MAGT1: variants seen among roughly 807,000 people sequenced by gnomAD.
The protein encoded by MAGT1 is dolichyl-diphosphooligosaccharide--protein glycosyltransferase subunit MAGT1.
MAGT1 carries 4 observed loss-of-function variants against 28.4 expected under a neutral mutation model. That is an observed-to-expected ratio of 0.14 (90% CI 0.07 to 0.32). The LOEUF is 0.32. MAGT1 is among the 10% of genes least tolerant of loss of function. MAGT1 has a pLI of 1.00. For missense variants in MAGT1, 193 were observed against 264.5 expected (o/e 0.73, Z 1.88); for synonymous variants, 89 against 89.7 (o/e 0.99, Z 0.04).
At chrX:77,881,022 G>A (rs1266967079) in intron 1 of MAGT1, among the ~76,000 whole-genome samples, 1 of 108,139 alleles carries the variant, frequency 9.2e-6, no homozygotes, top group Non-Finnish European at 1.9e-5. Flanking sequence ...ACAAGACTGC[G>A]GAACAATGAA....
chrX:77,836,286 C>CA (rs1281967507), intron 8 of MAGT1, among the ~76,000 whole-genome samples: 1 of 109,148 alleles, frequency 9.2e-6, no homozygotes, highest in Admixed American at 9.9e-5. Flanking sequence ...TAATGGGTAC[C>CA]AAAAAAAATA....
chrX:77,883,898 T>C (rs2077060301), intron 1 of MAGT1, among the ~76,000 whole-genome samples: 1 of 111,173 alleles, frequency 9.0e-6, no homozygotes, highest in African/African-American at 3.3e-5. Context: ...TGAACTAGTT[T>C]TAAACTTTTA....
chrX:77,884,368 G>A (rs2077061524), intron 1 of MAGT1, among the ~76,000 whole-genome samples: 1 of 111,801 alleles, frequency 8.9e-6, no homozygotes, highest in Non-Finnish European at 1.9e-5. Context: ...TCTAGCGGGT[G>A]TCAGGCAGTT....
In MAGT1 at chrX:77,833,227, T is replaced by C. The variant is rs2076904221; in HGVS notation, c.902-2332A>G. On this transcript the variant is annotated intron_variant, in intron 8 of 9. Transcript: ENST00000618282. The stretch of plus-strand genomic sequence containing the variant: ...CAACTGTTCGAGAATGGTGTAAACA[T>C]TACACGTGGAATGCTACATTTTCTA... Among the ~76,000 whole-genome samples, 3 of 112,469 alleles carry C rather than the reference T, an allele frequency of 2.7e-5. No individual in the cohort carries two copies. The South Asian group carries it at 1.1e-3, about 41-fold the overall frequency.
At chrX:77,856,487 T>A (rs1713233683) in intron 5 of MAGT1, 1 of 310,045 alleles carries the variant, frequency 3.2e-6, no homozygotes, top group South Asian at 7.0e-5. Flanking sequence ...GAGATTTTCA[T>A]AGAGATGACA....
chrX:77,827,142 A>T lies in MAGT1; in HGVS notation c.*2078T>A, dbSNP rs1386001172. 9.0e-6 allele frequency: 1 copy of T among 111,729 alleles called. No homozygotes were observed. The highest frequency in any genetic ancestry group is 1.9e-5 in the Non-Finnish European group (1 of 53,169). The allele number at this position is 111,729 out of a possible 1,213,427, so 9.2% of individuals were successfully genotyped here. ...CCTATTTCCACAATAGTGGCATTTCAGGTTACTCTTCATAACTATGGGGGA... is the reference window on the plus strand; with the variant it reads ...CCTATTTCCACAATAGTGGCATTTCTGGTTACTCTTCATAACTATGGGGGA... On this transcript the variant is annotated 3_prime_UTR_variant, in exon 10 of 10. Transcript: ENST00000618282.
intron 3 of MAGT1, chrX:77,868,633 T>C (rs1310249777): frequency 3.6e-5 from 11 of 302,876 alleles, no homozygotes; most frequent in Non-Finnish European, 6.4e-5. Context: ...CGAGACTCCA[T>C]CTCAAAAAAC....
intron 9 of MAGT1, among the ~76,000 whole-genome samples, chrX:77,829,663 T>C (rs1202919357): frequency 9.1e-6 from 1 of 109,754 alleles, no homozygotes; most frequent in Non-Finnish European, 1.9e-5. Context: ...TACCTTCACA[T>C]CTCAATTAGT....
chrX:77,884,930 C>T (rs781942801), intron 1 of MAGT1, among the ~76,000 whole-genome samples: 5 of 108,569 alleles, frequency 4.6e-5, no homozygotes, highest in African/African-American at 1.0e-4. Context: ...GGCGCGGTGG[C>T]GGGTGCCTGT....
At chrX:77,834,519 A>G (rs1293135745) in intron 8 of MAGT1, among the ~76,000 whole-genome samples, 1 of 108,476 alleles carries the variant, frequency 9.2e-6, no homozygotes, top group Non-Finnish European at 1.9e-5. Context: ...TTTTTAGTAG[A>G]GACAGGGTTT....
At chrX:77,856,706 AT>A (rs1557216022) in intron 5 of MAGT1, 26 bp downstream of exon 5, 2 of 1,195,906 alleles carry the variant, frequency 1.7e-6, no homozygotes, top group East Asian at 3.0e-5. Context: ...TATTCAAATA[AT>A]TTTTTGTCTT....
At chrX:77,837,659 C>T (rs1227479584) in intron 8 of MAGT1, among the ~76,000 whole-genome samples, 4 of 111,952 alleles carry the variant, frequency 3.6e-5, no homozygotes, top group African/African-American at 1.3e-4. Flanking sequence ...ATTTTAAGTT[C>T]AGTATCTTCA....
chrX:77,846,436 C>T (rs868938152), intron 7 of MAGT1, among the ~76,000 whole-genome samples: 4 of 112,386 alleles, frequency 3.6e-5, no homozygotes, highest in Non-Finnish European at 7.5e-5. Flanking sequence ...CTCAATTCAT[C>T]AAAGTCATTC....
In MAGT1 at chrX:77,847,784, G is replaced by A. The variant is rs181037303; in HGVS notation, c.826+6117C>T. Reference sequence around the variant, plus strand: ...ATGCCACCACGCCTGGCTAATTTTTGTATTTTGAGTAGAGACGGGGTTTAC... The same window carrying A: ...ATGCCACCACGCCTGGCTAATTTTTATATTTTGAGTAGAGACGGGGTTTAC... On this transcript the variant is annotated intron_variant, in intron 7 of 9. Transcript: ENST00000618282. 3.6e-5 allele frequency among the ~76,000 whole-genome samples: 4 copies of A among 109,596 alleles called. No homozygotes were observed. In the East Asian group the frequency reaches 1.1e-3, roughly 31 times the overall value.
rs781973880 is a variant in MAGT1, at chrX:77,827,340, A to T, written c.*1880T>A. ...AGAATAAAGACTAAAATAACAGCAA[A>T]ACATAGAACAGCTTTCGAGAAACGC... is the stretch of plus-strand genomic sequence containing the variant. On this transcript the variant is annotated 3_prime_UTR_variant, in exon 10 of 10. Transcript: ENST00000618282. 8.9e-6 allele frequency: 1 copy of T among 111,955 alleles called. No homozygotes were observed. Among genetic ancestry groups the T allele is most frequent in the Non-Finnish European group, 1.9e-5 (1 of 53,165 alleles). 9.2% of individuals were successfully genotyped at this position (111,955 alleles called of 1,213,427 possible).
intron 3 of MAGT1, among the ~76,000 whole-genome samples, chrX:77,859,170 T>C (rs781960231): frequency 9.0e-6 from 1 of 111,515 alleles, no homozygotes; most frequent in South Asian, 3.8e-4. Flanking sequence ...ATTGTGCCAC[T>C]GTACTCCAGC....
At chrX:77,830,707 T>C (rs1337438467) in intron 9 of MAGT1, 98 bp downstream of exon 9, 2 of 354,421 alleles carry the variant, frequency 5.6e-6, no homozygotes, top group Non-Finnish European at 9.8e-6. Flanking sequence ...TAAAATAGTT[T>C]GGAAGCAAAG....
intron 3 of MAGT1, among the ~76,000 whole-genome samples, chrX:77,866,325 G>A (rs1557216917): frequency 1.5e-5 from 1 of 66,249 alleles, no homozygotes; most frequent in African/African-American, 3.5e-5. Flanking sequence ...CCAATAATAT[G>A]AGAAATTCTG....
Position 77,848,737 on chromosome X carries a change from C to CA in MAGT1, c.826+5163dup, listed in dbSNP as rs782228060. Among the ~76,000 whole-genome samples the CA allele has an allele frequency of 2.7e-5, 3 of 111,470 alleles. No homozygotes were observed. In the South Asian group the frequency reaches 1.1e-3, roughly 42 times the overall value. ...ATTAGGGTTTCAGGTTATAGGTGAA[C>CA]ATTTTCCAGACTGCTACTTTATTTT... is the stretch of plus-strand genomic sequence containing the variant. On this transcript the variant is annotated intron_variant, in intron 7 of 9. Coordinates refer to ENST00000618282, the MANE Select transcript of MAGT1 (RefSeq NM_001367916.1).
Sources: allele counts gnomAD v4.1 joint callset (sites outside exome capture counted in the v4.1 genomes callset), GRCh38; gene constraint gnomAD v4.1.1; transcripts MANE v1.5; gene names NCBI Gene and HGNC (gene_info 2026-07-23, HGNC 2026-07-21).